SNX25: variants seen among roughly 807,000 people sequenced by gnomAD.
SNX25 encodes the protein sorting nexin-25.
Under a neutral mutation model 113.7 loss-of-function variants are expected in SNX25, and 62 were observed. The observed-to-expected ratio is 0.55, with a 90% CI of 0.44 to 0.67. The LOEUF (loss-of-function observed/expected upper bound fraction) is 0.67, where lower values mean the gene tolerates loss of function less well. SNX25 is among the 30% of genes least tolerant of loss of function. The pLI is 0.00. For synonymous variants in SNX25, 421 were observed against 436.2 expected (o/e 0.97, Z 0.43); for missense variants, 1,014 against 1,161.0 (o/e 0.87, Z 1.84).
At chr4:185,321,332 G>A (rs192538901) in intron 8 of SNX25, among the ~76,000 whole-genome samples, 3 of 148,896 alleles carry the variant, frequency 2.0e-5, no homozygotes, top group Admixed American at 1.3e-4. Context: ...GGGCGATCTC[G>A]GCTCACTGCA....
Position 185,232,395 on chromosome 4 carries a change from A to T in SNX25, c.430-14899A>T, listed in dbSNP as rs192550324. Among the ~76,000 whole-genome samples, 1 of 152,094 alleles carries T rather than the reference A, an allele frequency of 6.6e-6. No homozygotes were observed. The highest frequency in any genetic ancestry group is 1.9e-4 in the East Asian group (1 of 5,174). On this transcript the variant is annotated intron_variant, in intron 1 of 18. Coordinates refer to ENST00000652585, the MANE Select transcript of SNX25 (RefSeq NM_001378034.2). The surrounding 1 kb of genome is among the most constrained non-coding windows in gnomAD (Gnocchi z 4.4). ...CCGCTTAAGTTTCAATTTCCCAATA[A>T]TGCAATTTTCTTCCCTTTTATGGGC... is the stretch of plus-strand genomic sequence containing the variant.
At chr4:185,336,598 A>C (rs1316398515) in intron 10 of SNX25, among the ~76,000 whole-genome samples, 1 of 152,214 alleles carries the variant, frequency 6.6e-6, no homozygotes, top group Non-Finnish European at 1.5e-5. Context: ...ATATTTTTGC[A>C]ATTGCAAATT....
chr4:185,217,164 C>T (rs1738983484), intron 1 of SNX25, among the ~76,000 whole-genome samples: 1 of 151,954 alleles, frequency 6.6e-6, no homozygotes, highest in Admixed American at 6.6e-5. Context: ...AGTGCAGTGG[C>T]TCACGCCTGT....
At chr4:185,337,548 A>G (rs986366008) in intron 10 of SNX25, among the ~76,000 whole-genome samples, 16 of 152,248 alleles carry the variant, frequency 1.1e-4, no homozygotes, top group African/African-American at 3.4e-4. Flanking sequence ...TAATGTTACA[A>G]TGAATGTGGG....
chr4:185,349,104 G>T (rs1399892325), intron 13 of SNX25, among the ~76,000 whole-genome samples: 2 of 151,902 alleles, frequency 1.3e-5, no homozygotes, highest in East Asian at 3.9e-4. Context: ...TGGCTTCCCT[G>T]GTCCACAATG....
At chr4:185,259,869 T>C (rs934342001) in intron 3 of SNX25, among the ~76,000 whole-genome samples, 1 of 152,176 alleles carries the variant, frequency 6.6e-6, no homozygotes, top group African/African-American at 2.4e-5. Context: ...GCTGTTCGTG[T>C]AGGGGACCTT....
At chr4:185,345,662 A>C (rs112071670) in intron 12 of SNX25, among the ~76,000 whole-genome samples, 8 of 151,898 alleles carry the variant, frequency 5.3e-5, no homozygotes, top group Non-Finnish European at 8.8e-5. Flanking sequence ...ATGGTGGTGC[A>C]TGCTTGTAGT....
intron 5 of SNX25, among the ~76,000 whole-genome samples, chr4:185,286,745 C>T (rs1422372606): frequency 6.6e-6 from 1 of 152,190 alleles, no homozygotes; most frequent in African/African-American, 2.4e-5. Context: ...CAGTGTCTGC[C>T]ACCATCTCTG....
chr4:185,274,456 T>TTA (rs1749381455), intron 5 of SNX25, among the ~76,000 whole-genome samples: 1 of 152,212 alleles, frequency 6.6e-6, no homozygotes, highest in South Asian at 2.1e-4. Flanking sequence ...ATGGGTAATT[T>TTA]TATTCTGGGC....
chr4:185,270,173 G>A (rs1242157996), intron 5 of SNX25, among the ~76,000 whole-genome samples: 2 of 151,548 alleles, frequency 1.3e-5, no homozygotes, highest in Non-Finnish European at 2.9e-5. Flanking sequence ...GGAACATGGC[G>A]AAACCCCGTC....
chr4:185,255,037 G>A (rs540460854), intron 2 of SNX25, among the ~76,000 whole-genome samples: 95 of 152,120 alleles, frequency 6.2e-4, no homozygotes, highest in Non-Finnish European at 6.0e-4. Context: ...AAGTTGACCC[G>A]TAGGGTATGT....
intron 5 of SNX25, among the ~76,000 whole-genome samples, chr4:185,286,831 A>C (rs1292530089): frequency 6.6e-6 from 1 of 152,166 alleles, no homozygotes; most frequent in Non-Finnish European, 1.5e-5. Flanking sequence ...ATATTATCCA[A>C]ATGAAAAAAT....
chr4:185,315,186 C>T (rs2095062505), intron 7 of SNX25, among the ~76,000 whole-genome samples: 1 of 150,722 alleles, frequency 6.6e-6, no homozygotes, highest in Non-Finnish European at 1.5e-5. Flanking sequence ...CGAGATTGTG[C>T]CACTGCACTC....
At chr4:185,347,741 G>A (rs2095295085) in intron 13 of SNX25, among the ~76,000 whole-genome samples, 1 of 152,160 alleles carries the variant, frequency 6.6e-6, no homozygotes. Context: ...AAAGTGCTGG[G>A]ACTACAGGCG....
chr4:185,344,529 G>C (rs979296840), intron 12 of SNX25, among the ~76,000 whole-genome samples: 1 of 152,182 alleles, frequency 6.6e-6, no homozygotes, highest in African/African-American at 2.4e-5. Flanking sequence ...ATGGGAGCAC[G>C]GGATGGGGAA....
rs1748166001 is a variant in SNX25 at position 185,266,850 on chromosome 4, T to G, written c.905-119T>G. On this transcript the variant is annotated intron_variant, in intron 4 of 18. Coordinates refer to ENST00000652585, the MANE Select transcript of SNX25 (RefSeq NM_001378034.2). ...AATTGTTTATTGTATTATATAGATA[T>G]TCCCCTGTTTGACTACTTGAAAAAT... 3.1e-5 allele frequency: 27 copies of G among 862,500 alleles called. 1 individual carries two copies. In the South Asian group the frequency reaches 4.4e-4, roughly 14 times the overall value. The allele number at this position is 862,500 out of a possible 1,614,324, so 53.4% of individuals were successfully genotyped here.
chr4:185,335,663 GT>G (rs1349817631), intron 10 of SNX25, among the ~76,000 whole-genome samples: 1 of 151,604 alleles, frequency 6.6e-6, no homozygotes, highest in African/African-American at 2.4e-5. Context: ...TTTGTTTTTT[GT>G]TTTTTGCCTC....
intron 12 of SNX25, among the ~76,000 whole-genome samples, chr4:185,344,251 A>G (rs2095273823): frequency 6.6e-6 from 1 of 152,130 alleles, no homozygotes; most frequent in South Asian, 2.1e-4. Context: ...TCCAGCCTTC[A>G]ACTGTGGAGG....
intron 5 of SNX25, among the ~76,000 whole-genome samples, chr4:185,277,308 C>T (rs1420656112): frequency 6.6e-6 from 1 of 152,200 alleles, no homozygotes; most frequent in East Asian, 1.9e-4. Flanking sequence ...CAGATATGAA[C>T]CACTGAACCT....
Sources: allele counts gnomAD v4.1 joint callset (sites outside exome capture counted in the v4.1 genomes callset), GRCh38; gene constraint gnomAD v4.1.1; non-coding constraint Gnocchi (gnomAD v3.1); transcripts MANE v1.5; gene names NCBI Gene and HGNC (gene_info 2026-07-23, HGNC 2026-07-21).